Variants in HECTD4 observed in about 807,000 individuals in gnomAD.
HECTD4 encodes the protein HECT domain E3 ubiquitin protein ligase 4, also known as probable E3 ubiquitin-protein ligase HECTD4.
A neutral mutation model predicts 471.5 loss-of-function variants in HECTD4; 114 were observed. The ratio of observed to expected loss-of-function variants is 0.24; its 90% CI spans 0.21 to 0.28. HECTD4 has a LOEUF of 0.28. HECTD4 is among the 10% of genes least tolerant of loss of function. HECTD4 has a pLI of 1.00. For synonymous variants in HECTD4, 2,012 were observed against 2,256.0 expected (o/e 0.89, Z 3.07); for missense variants, 3,866 against 5,651.5 (o/e 0.68, Z 10.13).
intron 7 of HECTD4, among the ~76,000 whole-genome samples, chr12:112,302,986 T>C (rs1388380765): frequency 6.6e-6 from 1 of 150,762 alleles, no homozygotes; most frequent in Non-Finnish European, 1.5e-5. Flanking sequence ...CTCTTTTTTT[T>C]TTTTTTTTTT....
At chr12:112,357,474 A>G (rs1283962593) in intron 1 of HECTD4, among the ~76,000 whole-genome samples, 2 of 152,178 alleles carry the variant, frequency 1.3e-5, no homozygotes, top group East Asian at 3.9e-4. Context: ...GGTTGCAGTG[A>G]GCTGTGATGA....
rs556605011 is a variant in HECTD4 at position 112,349,175 on chromosome 12, G to A, written c.178-29433C>T. 3.6e-3 allele frequency among the ~76,000 whole-genome samples: 547 copies of A among 152,198 alleles called. 10 individuals carry two copies. Among genetic ancestry groups the A allele is most frequent in the Non-Finnish European group, 1.5e-3 (99 of 68,006 alleles). On this transcript the variant is annotated intron_variant, in intron 1 of 75. Coordinates refer to ENST00000682272, the MANE Select transcript of HECTD4 (RefSeq NM_001388303.1). ...GAGGCCAAGGCGGGTGGATCATGAG[G>A]TCAGGAGTTCGAGACCAGCCTAGCC...
intron 55 of HECTD4, among the ~76,000 whole-genome samples, chr12:112,196,722 C>T (rs946537809): frequency 2.6e-5 from 4 of 152,098 alleles, no homozygotes; most frequent in African/African-American, 9.7e-5. Flanking sequence ...TCTTGAGTAG[C>T]TGGGACTACA....
intron 59 of HECTD4, among the ~76,000 whole-genome samples, chr12:112,192,129 G>A (rs2032099671): frequency 6.6e-6 from 1 of 152,226 alleles, no homozygotes; most frequent in Admixed American, 6.5e-5. Context: ...GAGCAATCGA[G>A]CTTCCAGTTA....
chr12:112,356,350 A>G (rs79190385), intron 1 of HECTD4, among the ~76,000 whole-genome samples: 80 of 152,320 alleles, frequency 5.3e-4, no homozygotes, highest in East Asian at 7.7e-4. Flanking sequence ...AACTAATGAC[A>G]AAAGAAAGCT....
At chr12:112,295,239 A>G (rs1370652630) in intron 7 of HECTD4, among the ~76,000 whole-genome samples, 5 of 152,166 alleles carry the variant, frequency 3.3e-5, no homozygotes, top group African/African-American at 1.2e-4. Flanking sequence ...GAGCAGTAAG[A>G]AGAAAACTAA....
At chr12:112,367,843 A>AC (rs1566126663) in intron 1 of HECTD4, among the ~76,000 whole-genome samples, 1 of 150,150 alleles carries the variant, frequency 6.7e-6, no homozygotes, top group Non-Finnish European at 1.5e-5. Context: ...AAAAAAAAAA[A>AC]AAAAACGCTA....
chr12:112,206,533 CTT>C (rs60701313), intron 52 of HECTD4, among the ~76,000 whole-genome samples: 25 of 111,472 alleles, frequency 2.2e-4, no homozygotes, highest in African/African-American at 6.9e-4. Flanking sequence ...ATAGAATCTG[CTT>C]TTTTTTTTTT....
intron 7 of HECTD4, among the ~76,000 whole-genome samples, chr12:112,295,293 C>T (rs1364170514): frequency 2.0e-5 from 3 of 150,702 alleles, no homozygotes. Flanking sequence ...TTATTTTATA[C>T]AAAATATTTC....
intron 7 of HECTD4, among the ~76,000 whole-genome samples, chr12:112,284,083 C>T (rs544279624): frequency 6.6e-6 from 1 of 151,732 alleles, no homozygotes; most frequent in African/African-American, 2.4e-5. Context: ...GCCTCATTTA[C>T]TATTTCCTTT....
At chr12:112,244,773 G>C (rs1329620254) in intron 29 of HECTD4, among the ~76,000 whole-genome samples, 2 of 152,104 alleles carry the variant, frequency 1.3e-5, no homozygotes, top group Non-Finnish European at 2.9e-5. Flanking sequence ...GTCATTTAAT[G>C]ATACCTCTGC....
intron 7 of HECTD4, among the ~76,000 whole-genome samples, chr12:112,291,086 T>C (rs1284790739): frequency 6.6e-6 from 1 of 152,084 alleles, no homozygotes; most frequent in Non-Finnish European, 1.5e-5. Context: ...TCTCACAAGG[T>C]GCATTCTTTT....
In HECTD4 at chr12:112,182,471, T is replaced by G. The variant is rs575027444; in HGVS notation, c.10987+588A>C. ...TGGCAAAAGGGCTGGAAAATGGGACTTCGGAGAAAAAAGGGACGGAACTGT... is the reference window on the plus strand; with the variant it reads ...TGGCAAAAGGGCTGGAAAATGGGACGTCGGAGAAAAAAGGGACGGAACTGT... On this transcript the variant is annotated intron_variant, in intron 62 of 75. Transcript: ENST00000682272. Among the ~76,000 whole-genome samples the G allele has an allele frequency of 5.9e-5, 9 of 151,800 alleles. No homozygotes were observed. In the East Asian group the frequency reaches 1.7e-3, roughly 29 times the overall value.
In HECTD4 at chr12:112,212,670, G is replaced by A; in HGVS notation, c.7466-20C>T. 6.4e-7 allele frequency: 1 copy of A among 1,572,468 alleles called. No homozygotes were observed. The highest frequency in any genetic ancestry group is 8.6e-7 in the Non-Finnish European group (1 of 1,157,400). ...CGTCACCTATAGCAGAGAACGGGAA[G>A]GAAAACATATTTTCTCCCTTTTATT... On this transcript the variant is annotated intron_variant, in intron 48 of 75. Coordinates refer to ENST00000682272, the MANE Select transcript of HECTD4 (RefSeq NM_001388303.1).
chr12:112,233,038 TC>T lies in HECTD4; in HGVS notation c.5962del (p.Glu1988ArgfsTer4). ...PFRLGTGANM[E>X]KVVKMDRDMT... ...GTCTCGATCCATCTTCACAACTTTC[TC>T]CATGTTGGCGCCAGTACCAAGTCGG... On this transcript the variant is annotated frameshift_variant, in exon 38 of 76. Transcript: ENST00000682272. LOFTEE classifies it high-confidence loss of function. The T allele has an allele frequency of 6.2e-7, 1 of 1,612,626 alleles. No individual in the cohort carries two copies. Among genetic ancestry groups the T allele is most frequent in the South Asian group, 1.1e-5 (1 of 90,564 alleles).
chr12:112,306,314 T>C lies in HECTD4; in HGVS notation c.1165-80A>G, dbSNP rs993175138. On this transcript the variant is annotated intron_variant, in intron 6 of 75. Transcript: ENST00000682272. Reference sequence around the variant, plus strand: ...TCCTATCAGCTCATCATTAATGCCATTATGCCCAAGATGAGAATTCACTAG... The same window carrying C: ...TCCTATCAGCTCATCATTAATGCCACTATGCCCAAGATGAGAATTCACTAG... 3.4e-6 allele frequency: 4 copies of C among 1,162,666 alleles called. No individual in the cohort carries two copies. The African/African-American group carries it at 4.7e-5, about 14-fold the overall frequency. The allele number at this position is 1,162,666 out of a possible 1,614,324, so 72.0% of individuals were successfully genotyped here. A position where few individuals can be genotyped will look rare whatever the true frequency, so the allele number is the denominator to read the frequency against.
At chr12:112,249,353 C>CA (rs766001113) in intron 25 of HECTD4, among the ~76,000 whole-genome samples, 3,557 of 90,328 alleles carry the variant, frequency 0.039, 120 homozygotes, top group African/African-American at 0.11. Context: ...GACTCCCTCT[C>CA]AAAAAAAAAA....
At chr12:112,293,047 G>A (rs1001413097) in intron 7 of HECTD4, among the ~76,000 whole-genome samples, 2 of 151,308 alleles carry the variant, frequency 1.3e-5, no homozygotes, top group African/African-American at 4.9e-5. Context: ...AATATTTCAT[G>A]AGGGATGTTA....
chr12:112,210,336 C>T lies in HECTD4; in HGVS notation c.7630-84G>A, dbSNP rs185795675. ...AGAGCCCAAGGCGCAGCTCACTAAA[C>T]GTCACCTTGGAAGAATAGCCCGAGG... On this transcript the variant is annotated intron_variant, in intron 49 of 75. Transcript: ENST00000682272. 1.6e-5 allele frequency: 22 copies of T among 1,414,198 alleles called. 1 individual carries two copies. The highest frequency in any genetic ancestry group is 6.9e-5 in the East Asian group (3 of 43,668). 87.6% of individuals were successfully genotyped at this position (1,414,198 alleles called of 1,614,324 possible).
Sources: allele counts gnomAD v4.1 joint callset (sites outside exome capture counted in the v4.1 genomes callset), GRCh38; gene constraint gnomAD v4.1.1; transcripts MANE v1.5; gene names NCBI Gene and HGNC (gene_info 2026-07-23, HGNC 2026-07-21).